EPM2A: variants seen among roughly 807,000 people sequenced by gnomAD.
EPM2A encodes the protein EPM2A glucan phosphatase, laforin.
EPM2A carries 21 observed loss-of-function variants against 26.5 expected under a neutral mutation model. The observed-to-expected ratio is 0.79, with a 90% CI of 0.56 to 1.14. The LOEUF (loss-of-function observed/expected upper bound fraction) is 1.14. Ranked by LOEUF, EPM2A falls within the 50% of genes most tolerant of loss-of-function variation. The probability of loss-of-function intolerance (pLI) is 0.00; values close to 1 mark genes in which losing one functional copy is unlikely to be tolerated. For synonymous variants in EPM2A, 217 were observed against 177.6 expected (o/e 1.22, Z -1.76); for missense variants, 458 against 440.8 (o/e 1.04, Z -0.35).
At chr6:145,482,797 CTATT>C (rs1299595868) in intron 4 of EPM2A, among the ~76,000 whole-genome samples, 49 of 151,908 alleles carry the variant, frequency 3.2e-4, no homozygotes, top group African/African-American at 1.1e-3. Flanking sequence ...TTTTGGCTCT[CTATT>C]TGTCACTCAG....
In EPM2A at chr6:145,721,586, G is replaced by A. The variant is rs146998905; in HGVS notation, c.301+13612C>T. The A allele has an allele frequency of 1.1e-4, 16 of 152,278 alleles. No individual in the cohort carries two copies. The East Asian group carries it at 2.9e-3, about 28-fold the overall frequency. The allele number at this position is 152,278 out of a possible 1,614,324, so 9.4% of individuals were successfully genotyped here. ...TTCAGAAAAAGGTACAATCTCCTAAGACAGCTCTTATCTCATTGAACTATC... is the reference window on the plus strand; with the variant it reads ...TTCAGAAAAAGGTACAATCTCCTAAAACAGCTCTTATCTCATTGAACTATC... On this transcript the variant is annotated intron_variant, in intron 1 of 3. Coordinates refer to ENST00000367519, the MANE Select transcript of EPM2A (RefSeq NM_005670.4).
At chr6:145,496,703 G>GCTATTTTT (rs1779824234), downstream of EPM2A, among the ~76,000 whole-genome samples, 1 of 148,854 alleles carries the variant, frequency 6.7e-6, no homozygotes, top group Non-Finnish European at 1.5e-5. Context: ...CACTATACTA[G>GCTATTTTT]CTATTTTTAC....
At chr6:145,680,591 T>A (rs1780447062) in intron 2 of EPM2A, among the ~76,000 whole-genome samples, 1 of 151,758 alleles carries the variant, frequency 6.6e-6, no homozygotes, top group Non-Finnish European at 1.5e-5. Flanking sequence ...CCTTCCTGTG[T>A]CCATGTGTTC....
intron 1 of EPM2A, among the ~76,000 whole-genome samples, chr6:145,687,510 C>T (rs750693572): frequency 1.6e-4 from 24 of 152,166 alleles, no homozygotes; most frequent in Non-Finnish European, 2.9e-4. Flanking sequence ...TTTTTATCAT[C>T]CCATTTCAAA....
intron 2 of EPM2A, among the ~76,000 whole-genome samples, chr6:145,601,352 A>G (rs868717514): frequency 6.6e-5 from 10 of 152,176 alleles, no homozygotes; most frequent in Middle Eastern, 3.4e-3. Flanking sequence ...TGTTTTGGCC[A>G]GGTATTCATT....
intron 2 of EPM2A, among the ~76,000 whole-genome samples, chr6:145,517,448 T>C (rs1019651380): frequency 2.4e-4 from 36 of 152,278 alleles, no homozygotes; most frequent in Non-Finnish European, 3.4e-4. Context: ...GGTAGCCCCA[T>C]GCTTGGGGGC....
chr6:145,483,220 C>T (rs1289305020), intron 4 of EPM2A, among the ~76,000 whole-genome samples: 3 of 151,998 alleles, frequency 2.0e-5, no homozygotes, highest in Admixed American at 2.0e-4. Context: ...GTAGCTTTGA[C>T]AAGCATTCAA....
Position 145,585,422 on chromosome 6 carries a change from TTCTG to T in EPM2A, c.340+49819_340+49822del, listed in dbSNP as rs1422781753. On this transcript the variant is annotated intron_variant, in intron 2 of 3. Coordinates refer to the EPM2A transcript ENST00000450221. ...TGTTCATTTCTTTCCAGTTTCTTTTTTCTGTCTGAGTTTCATTTTAGAAAGTTTC... is the reference window on the plus strand; with the variant it reads ...TGTTCATTTCTTTCCAGTTTCTTTTTTCTGAGTTTCATTTTAGAAAGTTTC... Among the ~76,000 whole-genome samples, 4 of 152,154 alleles carry T rather than the reference TTCTG, an allele frequency of 2.6e-5. No individual in the cohort carries two copies. In the South Asian group the frequency reaches 8.3e-4, roughly 32 times the overall value.
chr6:145,491,134 T>G (rs890750532), intron 4 of EPM2A: 3 of 569,462 alleles, frequency 5.3e-6, no homozygotes, highest in Non-Finnish European at 1.0e-5. Context: ...GGTATTTTCC[T>G]CTAATGGAGC....
At chr6:145,644,210 G>A (rs1777290022) in intron 2 of EPM2A, among the ~76,000 whole-genome samples, 1 of 152,172 alleles carries the variant, frequency 6.6e-6, no homozygotes, top group South Asian at 2.1e-4. Context: ...TATCTCTGTT[G>A]TTAATGCTAA....
chr6:145,551,259 C>A (rs551305397), intron 2 of EPM2A, among the ~76,000 whole-genome samples: 7 of 151,678 alleles, frequency 4.6e-5, no homozygotes, highest in African/African-American at 1.7e-4. Flanking sequence ...ACAACAACAA[C>A]AAATAAGCAA....
intron 4 of EPM2A, among the ~76,000 whole-genome samples, chr6:145,413,639 T>C (rs1049868313): frequency 2.0e-5 from 3 of 152,172 alleles, no homozygotes; most frequent in African/African-American, 7.2e-5. Flanking sequence ...AAGAAACTCT[T>C]CATGAGATAA....
chr6:145,576,220 A>T (rs1781029344), intron 2 of EPM2A, among the ~76,000 whole-genome samples: 1 of 152,162 alleles, frequency 6.6e-6, no homozygotes, highest in South Asian at 2.1e-4. Context: ...CAATTCTAGA[A>T]TTCTCAGAAC....
At chr6:145,513,794 C>T (rs1780087517) in intron 2 of EPM2A, among the ~76,000 whole-genome samples, 1 of 152,214 alleles carries the variant, frequency 6.6e-6, no homozygotes, top group African/African-American at 2.4e-5. Context: ...CCAGCCATCT[C>T]TCTTATCTAA....
intron 4 of EPM2A, among the ~76,000 whole-genome samples, chr6:145,396,264 C>T (rs1204547192): frequency 1.3e-5 from 2 of 152,116 alleles, no homozygotes; most frequent in Non-Finnish European, 2.9e-5. Flanking sequence ...CAACCCACTA[C>T]CCCTCCTTCT....
chr6:145,502,559 A>G (rs1352518009), exon 3 of EPM2A: 1 of 470,754 alleles, frequency 2.1e-6, no homozygotes, highest in Non-Finnish European at 4.4e-6. Context: ...AGCACATGTC[A>G]GCTGTCCTCT....
intron 4 of EPM2A, among the ~76,000 whole-genome samples, chr6:145,476,651 A>C (rs1054562586): frequency 2.0e-5 from 3 of 152,006 alleles, no homozygotes; most frequent in Non-Finnish European, 4.4e-5. Context: ...GGAGGAATTT[A>C]GGGAACTATA....
chr6:145,515,187 A>G (rs903394018), intron 2 of EPM2A, among the ~76,000 whole-genome samples: 3 of 152,166 alleles, frequency 2.0e-5, no homozygotes, highest in Non-Finnish European at 4.4e-5. Context: ...AAAAACAAAC[A>G]TCCTTGGTAA....
intron 3 of EPM2A, chr6:145,631,156 GTC>G (rs1329761983): frequency 6.6e-6 from 1 of 151,818 alleles, no homozygotes; most frequent in Non-Finnish European, 1.5e-5. Context: ...AGAGGACCAT[GTC>G]TCTCTGCTTG....
Sources: allele counts gnomAD v4.1 joint callset (sites outside exome capture counted in the v4.1 genomes callset), GRCh38; gene constraint gnomAD v4.1.1; transcripts MANE v1.5; gene names NCBI Gene and HGNC (gene_info 2026-07-23, HGNC 2026-07-21).